The following FOXJ3 variants were observed in gnomAD, a reference collection of about 807,000 sequenced individuals.
The protein encoded by FOXJ3 is forkhead box protein J3.
Under a neutral mutation model 76.1 loss-of-function variants are expected in FOXJ3, and 22 were observed. That is an observed-to-expected ratio of 0.29 (90% CI 0.21 to 0.41). The LOEUF (loss-of-function observed/expected upper bound fraction) is 0.41. Ranked by LOEUF, FOXJ3 falls within the 10% of genes least tolerant of loss-of-function variation. FOXJ3 has a pLI of 1.00. For missense variants in FOXJ3, 613 were observed against 762.1 expected (o/e 0.80, Z 2.30); for synonymous variants, 269 against 261.2 (o/e 1.03, Z -0.29).
intron 5 of FOXJ3, among the ~76,000 whole-genome samples, chr1:42,218,241 A>G (rs1647111263): frequency 6.6e-6 from 1 of 152,252 alleles, no homozygotes; most frequent in Non-Finnish European, 1.5e-5. Context: ...CTCTGGTATT[A>G]TAATTGAGAA....
At chr1:42,278,313 C>T in intron 3 of FOXJ3, 35 bp downstream of exon 3, 1 of 1,388,888 alleles carries the variant, frequency 7.2e-7, no homozygotes, top group Non-Finnish European at 1.0e-6. Context: ...TCATTGCTTA[C>T]TTCATAAAAG....
intron 2 of FOXJ3, among the ~76,000 whole-genome samples, chr1:42,295,022 T>C (rs1205025521): frequency 1.3e-5 from 2 of 152,216 alleles, no homozygotes; most frequent in African/African-American, 4.8e-5. Flanking sequence ...TATTTTTTGC[T>C]TGATGTATCC....
Position 42,302,644 on chromosome 1 carries a change from G to A in FOXJ3, c.44+8406C>T, listed in dbSNP as rs140595251. Among the ~76,000 whole-genome samples, 694 of 152,268 alleles carry A rather than the reference G, an allele frequency of 4.6e-3. 6 individuals are homozygous for A. The highest frequency in any genetic ancestry group is 0.016 in the African/African-American group (660 of 41,558). On this transcript the variant is annotated intron_variant, in intron 2 of 12. Coordinates refer to ENST00000361346, the MANE Select transcript of FOXJ3 (RefSeq NM_014947.5). Reference sequence around the variant, plus strand: ...GCCTAAACCCTAATCTAGAAAAGTGGGTGCTCCAAATGCCTAAAGATACAT... The same window carrying A: ...GCCTAAACCCTAATCTAGAAAAGTGAGTGCTCCAAATGCCTAAAGATACAT...
rs189594609 is a variant in FOXJ3 at position 42,181,574 on chromosome 1, T to C, written c.1753+343A>G. 3.9e-5 allele frequency among the ~76,000 whole-genome samples: 6 copies of C among 152,292 alleles called. No homozygotes were observed. The East Asian group carries it at 1.2e-3, about 29-fold the overall frequency. ...TAGAATAAGTAGAATCATTGCATCT[T>C]GGGCTAATAAGGACTTCAGGTCCTA... is the stretch of plus-strand genomic sequence containing the variant. On this transcript the variant is annotated intron_variant, in intron 12 of 12. Transcript: ENST00000361346.
chr1:42,259,352 G>C (rs950983818), intron 4 of FOXJ3, among the ~76,000 whole-genome samples: 2 of 152,110 alleles, frequency 1.3e-5, no homozygotes, highest in African/African-American at 4.8e-5. Flanking sequence ...ACACACCAAA[G>C]AGTAAATTTC....
At chr1:42,321,847 T>C (rs1436082604) in intron 1 of FOXJ3, among the ~76,000 whole-genome samples, 1 of 151,962 alleles carries the variant, frequency 6.6e-6, no homozygotes, top group Non-Finnish European at 1.5e-5. Flanking sequence ...AAGAGATGTA[T>C]GAGGAAGATT....
intron 4 of FOXJ3, among the ~76,000 whole-genome samples, chr1:42,245,832 G>A (rs1325850880): frequency 6.6e-6 from 1 of 152,046 alleles, no homozygotes; most frequent in African/African-American, 2.4e-5. Context: ...GGCAAGAAAA[G>A]GAAACAAAAG....
chr1:42,195,111 C>T lies in FOXJ3; in HGVS notation c.760-47G>A, dbSNP rs151023082. ...ACTAATTCAGCCTCTCTACTAATTA[C>T]AATTGGCTTGTTATATAAAATATAT... On this transcript the variant is annotated intron_variant, in intron 7 of 12. Transcript: ENST00000361346. The T allele has an allele frequency of 9.5e-3, 13,162 of 1,384,882 alleles. 96 individuals carry two copies. The highest frequency in any genetic ancestry group is 0.017 in the Admixed American group (751 of 43,396). 85.8% of individuals were successfully genotyped at this position (1,384,882 alleles called of 1,614,324 possible). A position where few individuals can be genotyped will look rare whatever the true frequency, so the allele number is the denominator to read the frequency against.
intron 3 of FOXJ3, among the ~76,000 whole-genome samples, chr1:42,269,944 C>G (rs1651747898): frequency 6.6e-6 from 1 of 152,164 alleles, no homozygotes. Context: ...CTCCACCCTG[C>G]AGAGAGTTAT....
chr1:42,284,266 G>A (rs140880723), intron 2 of FOXJ3, among the ~76,000 whole-genome samples: 93 of 152,224 alleles, frequency 6.1e-4, no homozygotes, highest in African/African-American at 2.0e-3. Flanking sequence ...CGATACTGAC[G>A]GTTGGAAAGC....
At chr1:42,248,008 T>C (rs1649683817) in intron 4 of FOXJ3, among the ~76,000 whole-genome samples, 1 of 152,158 alleles carries the variant, frequency 6.6e-6, no homozygotes. Context: ...AAATGCCACA[T>C]ATAATTATTT....
chr1:42,209,203 C>T (rs538864722), intron 5 of FOXJ3, among the ~76,000 whole-genome samples: 6 of 152,302 alleles, frequency 3.9e-5, no homozygotes, highest in South Asian at 4.1e-4. Context: ...AATTCAGTAA[C>T]GTTGCGGGAT....
intron 5 of FOXJ3, among the ~76,000 whole-genome samples, chr1:42,221,656 TC>T (rs1647188774): frequency 6.6e-6 from 1 of 150,948 alleles, no homozygotes; most frequent in Non-Finnish European, 1.5e-5. Context: ...GAGAGGTGGG[TC>T]TTATCTTGCT....
At chr1:42,254,682 G>GCTGT (rs1650424361) in intron 4 of FOXJ3, among the ~76,000 whole-genome samples, 1 of 142,160 alleles carries the variant, frequency 7.0e-6, no homozygotes, top group South Asian at 2.4e-4. Flanking sequence ...GATGAAATTG[G>GCTGT]AAATCATCAT....
rs72952366 is a variant in FOXJ3 at position 42,241,888 on chromosome 1, T to G, written c.445-13922A>C. On this transcript the variant is annotated intron_variant, in intron 4 of 12. Transcript: ENST00000361346. ...AGGACAGTAACATCCAACCCACCAC[T>G]ACCACCACCAGGGCCCAAGAACTGG... Among the ~76,000 whole-genome samples, 436 of 152,170 alleles carry G rather than the reference T, an allele frequency of 2.9e-3. 2 individuals carry two copies. Among genetic ancestry groups the G allele is most frequent in the African/African-American group, 0.01 (421 of 41,504 alleles).
intron 4 of FOXJ3, among the ~76,000 whole-genome samples, chr1:42,251,420 TG>T (rs1210376873): frequency 6.6e-6 from 1 of 152,168 alleles, no homozygotes; most frequent in Non-Finnish European, 1.5e-5. Context: ...CTATAGAATT[TG>T]TTGCCTGCAA....
At chr1:42,211,551 T>C (rs1047680143) in intron 5 of FOXJ3, among the ~76,000 whole-genome samples, 6 of 151,758 alleles carry the variant, frequency 4.0e-5, no homozygotes, top group Non-Finnish European at 1.5e-5. Flanking sequence ...GGGTATTGCC[T>C]TTACCACCTC....
chr1:42,264,004 T>C (rs540088681), intron 4 of FOXJ3, among the ~76,000 whole-genome samples: 13 of 131,310 alleles, frequency 9.9e-5, no homozygotes, highest in South Asian at 4.9e-4. Context: ...ACTGGAGGGA[T>C]CGAGCCCAGC....
chr1:42,222,911 T>C (rs2124432414), intron 5 of FOXJ3, among the ~76,000 whole-genome samples: 1 of 152,368 alleles, frequency 6.6e-6, no homozygotes, highest in Non-Finnish European at 1.5e-5. Context: ...GCTCTGCCTA[T>C]CACCACCTGA....
Sources: allele counts gnomAD v4.1 joint callset (sites outside exome capture counted in the v4.1 genomes callset), GRCh38; gene constraint gnomAD v4.1.1; transcripts MANE v1.5; gene names NCBI Gene and HGNC (gene_info 2026-07-23, HGNC 2026-07-21).